The following DYNC1I1 variants were observed in gnomAD, a reference collection of about 807,000 sequenced individuals.
DYNC1I1 encodes dynein cytoplasmic 1 intermediate chain 1.
Under a neutral mutation model 86.6 loss-of-function variants are expected in DYNC1I1, and 43 were observed. That is an observed-to-expected ratio of 0.50 (90% CI 0.39 to 0.64). DYNC1I1 has a LOEUF of 0.64. Ranked by LOEUF, DYNC1I1 falls within the 30% of genes least tolerant of loss-of-function variation. The pLI is 0.00. For synonymous variants in DYNC1I1, 262 were observed against 283.7 expected, an observed-to-expected ratio of 0.92 and a Z score of 0.77; for missense variants, 604 against 788.8, an observed-to-expected ratio of 0.77 and a Z score of 2.81.
chr7:95,908,301 A>G (rs778615028), intron 6 of DYNC1I1, among the ~76,000 whole-genome samples: 1 of 152,202 alleles, frequency 6.6e-6, no homozygotes, highest in African/African-American at 2.4e-5. Flanking sequence ...CTATTTTTCC[A>G]CATTTCATTC....
At chr7:95,914,830 G>A (rs1347312776) in intron 6 of DYNC1I1, among the ~76,000 whole-genome samples, 15 of 152,288 alleles carry the variant, frequency 9.8e-5, no homozygotes, top group Admixed American at 5.2e-4. Context: ...ACATGGTCTC[G>A]TGGCCTTTTC....
At chr7:95,928,115 C>G (rs747098835) in intron 6 of DYNC1I1, among the ~76,000 whole-genome samples, 2 of 152,196 alleles carry the variant, frequency 1.3e-5, no homozygotes, top group African/African-American at 4.8e-5. Context: ...GTCAGACTTA[C>G]AAAACAAAGC....
downstream of DYNC1I1, among the ~76,000 whole-genome samples, chr7:96,100,341 C>CCCTTCCTTCCTTCCTTTCCTTCCTT (rs1004961872): frequency 6.6e-6 from 1 of 151,474 alleles, no homozygotes; most frequent in Non-Finnish European, 1.5e-5. Context: ...CTCCCTCTCT[C>CCCTTCCTTCCTTCCTTTCCTTCCTT]CCTTCCTTCC....
At chr7:96,006,231 A>G (rs1794138615) in intron 10 of DYNC1I1, among the ~76,000 whole-genome samples, 1 of 152,192 alleles carries the variant, frequency 6.6e-6, no homozygotes, top group African/African-American at 2.4e-5. Context: ...AATTTTTTAA[A>G]TAAATGGGAA....
intron 6 of DYNC1I1, among the ~76,000 whole-genome samples, chr7:95,873,725 A>G (rs1406853422): frequency 1.3e-5 from 2 of 152,218 alleles, no homozygotes; most frequent in African/African-American, 4.8e-5. Context: ...GCCCTGAGGT[A>G]GGATGATGAA....
intron 9 of DYNC1I1, among the ~76,000 whole-genome samples, chr7:95,990,584 G>A (rs1301412067): frequency 6.6e-6 from 1 of 152,034 alleles, no homozygotes. Context: ...ACTTTTACCT[G>A]GTTAATCTTT....
chr7:96,009,615 C>T (rs1794224321), intron 10 of DYNC1I1, among the ~76,000 whole-genome samples: 1 of 152,166 alleles, frequency 6.6e-6, no homozygotes, highest in South Asian at 2.1e-4. Context: ...TTCTGTTGTT[C>T]CAGTAGCACC....
At chr7:95,839,444 ACT>A (rs1010687974) in intron 5 of DYNC1I1, among the ~76,000 whole-genome samples, 7 of 151,080 alleles carry the variant, frequency 4.6e-5, no homozygotes, top group Admixed American at 4.6e-4. Flanking sequence ...GCATACGAAA[ACT>A]CTACATTTTT....
Position 95,943,624 on chromosome 7 carries a change from T to C in DYNC1I1, c.491-33888T>C, listed in dbSNP as rs1047386648. ...CATCATGCTACCTGACTTCAAATTATACTACAAGGCTACAGTAACCAAAAC... is the reference window on the plus strand; with the variant it reads ...CATCATGCTACCTGACTTCAAATTACACTACAAGGCTACAGTAACCAAAAC... On this transcript the variant is annotated intron_variant, in intron 6 of 16. Coordinates refer to ENST00000447467, the MANE Select transcript of DYNC1I1 (RefSeq NM_001135556.2). Among the ~76,000 whole-genome samples the C allele has an allele frequency of 1.5e-5, 2 of 137,414 alleles. 1 individual carries two copies. The highest frequency in any genetic ancestry group is 5.2e-5 in the African/African-American group (2 of 38,486). The allele number at this position is 137,414 out of a possible 152,430, so 90.1% of individuals were successfully genotyped here.
chr7:95,954,471 T>G (rs888109088), intron 6 of DYNC1I1, among the ~76,000 whole-genome samples: 3 of 152,032 alleles, frequency 2.0e-5, no homozygotes, highest in Non-Finnish European at 4.4e-5. Flanking sequence ...TAGACAGTGC[T>G]TATAGAATCT....
chr7:95,916,611 G>T (rs1246105105), intron 6 of DYNC1I1, among the ~76,000 whole-genome samples: 1 of 152,152 alleles, frequency 6.6e-6, no homozygotes, highest in Admixed American at 6.6e-5. Flanking sequence ...TGACCATTGA[G>T]AAATAGCTAC....
At chr7:95,830,154 G>T (rs1342286939) in intron 5 of DYNC1I1, among the ~76,000 whole-genome samples, 1 of 152,068 alleles carries the variant, frequency 6.6e-6, no homozygotes, top group African/African-American at 2.4e-5. Context: ...TGTGGCATGG[G>T]AATGATCATA....
chr7:96,020,829 T>G (rs904516836), intron 10 of DYNC1I1, among the ~76,000 whole-genome samples: 2 of 152,154 alleles, frequency 1.3e-5, no homozygotes, highest in Admixed American at 6.6e-5. Context: ...GAAAGAAATT[T>G]TGACACATGC....
chr7:95,908,144 C>T (rs1791224612), intron 6 of DYNC1I1, among the ~76,000 whole-genome samples: 1 of 152,062 alleles, frequency 6.6e-6, no homozygotes, highest in South Asian at 2.1e-4. Flanking sequence ...TGTTAAACAA[C>T]CACGGGAGGA....
intron 14 of DYNC1I1, among the ~76,000 whole-genome samples, chr7:96,063,528 A>G (rs1338795500): frequency 6.6e-6 from 1 of 152,112 alleles, no homozygotes; most frequent in African/African-American, 2.4e-5. Flanking sequence ...TTTCCTCTGA[A>G]GCCTCTCGCT....
chr7:95,840,865 A>C (rs938908318), intron 5 of DYNC1I1, among the ~76,000 whole-genome samples: 1 of 152,212 alleles, frequency 6.6e-6, no homozygotes, highest in Non-Finnish European at 1.5e-5. Context: ...CAGTTGGAAT[A>C]AATGATGCAT....
chr7:95,917,062 G>C (rs1791489391), intron 6 of DYNC1I1, among the ~76,000 whole-genome samples: 1 of 152,162 alleles, frequency 6.6e-6, no homozygotes. Context: ...CCATCAGCTT[G>C]AGGTTCTTAT....
chr7:95,997,609 G>T (rs1793901356), intron 10 of DYNC1I1, among the ~76,000 whole-genome samples: 1 of 151,492 alleles, frequency 6.6e-6, no homozygotes, highest in South Asian at 2.1e-4. Context: ...GTGTGTGTGT[G>T]TGTGTGTGTG....
At chr7:96,043,865 A>G (rs189368759) in intron 14 of DYNC1I1, among the ~76,000 whole-genome samples, 3 of 152,030 alleles carry the variant, frequency 2.0e-5, no homozygotes, top group Admixed American at 1.3e-4. Flanking sequence ...GCCCGCCACT[A>G]CAACTGGCTA....
Sources: allele counts gnomAD v4.1 joint callset (sites outside exome capture counted in the v4.1 genomes callset), GRCh38; gene constraint gnomAD v4.1.1; transcripts MANE v1.5; gene names NCBI Gene and HGNC (gene_info 2026-07-23, HGNC 2026-07-21).